The following ANO10 variants were observed in gnomAD, a reference collection of about 807,000 sequenced individuals.
The protein encoded by ANO10 is anoctamin 10, also known as anoctamin-10.
In ANO10, 77 loss-of-function variants were observed where a neutral mutation model predicts 74.7. That is an observed-to-expected ratio of 1.03 (90% CI 0.86 to 1.25). The LOEUF is 1.25. Ranked by LOEUF, ANO10 falls within the 50% of genes most tolerant of loss-of-function variation. ANO10 has a pLI of 0.00. For missense variants in ANO10, 721 were observed against 778.1 expected (o/e 0.93, Z 0.87); for synonymous variants, 279 against 284.9 (o/e 0.98, Z 0.21).
At chr3:43,379,156 G>A (rs1227503535) in intron 12 of ANO10, among the ~76,000 whole-genome samples, 3 of 152,162 alleles carry the variant, frequency 2.0e-5, no homozygotes, top group African/African-American at 7.2e-5. Flanking sequence ...GTGACACAAT[G>A]CTGTCCCAGT....
chr3:43,637,114 G>A (rs1202636327), intron 1 of ANO10, among the ~76,000 whole-genome samples: 1 of 152,208 alleles, frequency 6.6e-6, no homozygotes, highest in Non-Finnish European at 1.5e-5. Context: ...AAGCTGAAGT[G>A]AGCTGTGTTT....
chr3:43,441,094 A>G (rs1463846337), intron 11 of ANO10, among the ~76,000 whole-genome samples: 2 of 152,062 alleles, frequency 1.3e-5, no homozygotes, highest in Non-Finnish European at 1.5e-5. Flanking sequence ...TATAAAAAAA[A>G]GAAAGATCTC....
At chr3:43,423,111 T>A (rs530657695) in intron 12 of ANO10, among the ~76,000 whole-genome samples, 1 of 145,098 alleles carries the variant, frequency 6.9e-6, no homozygotes, top group Non-Finnish European at 1.6e-5. Context: ...CAGTCAGATT[T>A]TTTTTGGAAA....
intron 12 of ANO10, among the ~76,000 whole-genome samples, chr3:43,370,714 C>T (rs1234105960): frequency 3.3e-5 from 5 of 152,222 alleles, no homozygotes; most frequent in Admixed American, 2.6e-4. Flanking sequence ...TTTCCCCTAA[C>T]TTGTGACTCA....
chr3:43,648,050 T>C (rs1475764425), intron 1 of ANO10, among the ~76,000 whole-genome samples: 2 of 152,220 alleles, frequency 1.3e-5, no homozygotes, highest in East Asian at 1.9e-4. Flanking sequence ...AGGTTACTTG[T>C]TACAGCCAGG....
intron 8 of ANO10, among the ~76,000 whole-genome samples, chr3:43,562,123 T>A (rs1309929693): frequency 7.2e-5 from 11 of 151,884 alleles, no homozygotes; most frequent in Admixed American, 7.2e-4. Flanking sequence ...GTAATCCCAG[T>A]ACTTTGAGAG....
At chr3:43,682,436 T>C (rs2084214193) in intron 1 of ANO10, among the ~76,000 whole-genome samples, 1 of 152,128 alleles carries the variant, frequency 6.6e-6, no homozygotes, top group African/African-American at 2.4e-5. Flanking sequence ...AGGCAACAAT[T>C]AATAGCTTAC....
chr3:43,471,266 A>G (rs926931055), intron 11 of ANO10, among the ~76,000 whole-genome samples: 6 of 152,212 alleles, frequency 3.9e-5, no homozygotes, highest in Admixed American at 6.5e-5. Context: ...AAACATTAGG[A>G]AAAAAATCAA....
intron 11 of ANO10, among the ~76,000 whole-genome samples, chr3:43,447,864 AG>A (rs1361157396): frequency 6.6e-6 from 1 of 152,244 alleles, no homozygotes; most frequent in Non-Finnish European, 1.5e-5. Flanking sequence ...TTATCAACCA[AG>A]GCCCATAGTT....
At chr3:43,505,752 T>C (rs572571491) in intron 11 of ANO10, among the ~76,000 whole-genome samples, 2 of 152,320 alleles carry the variant, frequency 1.3e-5, no homozygotes, top group South Asian at 4.1e-4. Flanking sequence ...TTCTGCAGTT[T>C]TCACATCATT....
chr3:43,495,081 A>G (rs955617784), intron 11 of ANO10, among the ~76,000 whole-genome samples: 1 of 152,174 alleles, frequency 6.6e-6, no homozygotes, highest in Non-Finnish European at 1.5e-5. Context: ...CAAAAAGGTC[A>G]GTGAAATAGA....
At chr3:43,675,362 C>G (rs757856301) in intron 1 of ANO10, among the ~76,000 whole-genome samples, 1 of 152,046 alleles carries the variant, frequency 6.6e-6, no homozygotes, top group African/African-American at 2.4e-5. Context: ...AAGCATAATC[C>G]ATTTTTAGAA....
chr3:43,569,707 A>G (rs1471043280), intron 7 of ANO10, among the ~76,000 whole-genome samples: 6 of 126,464 alleles, frequency 4.7e-5, no homozygotes, highest in Non-Finnish European at 8.2e-5. Flanking sequence ...AGAGCTATCT[A>G]TGACAAACCC....
intron 1 of ANO10, chr3:43,636,360 C>G (rs1471192026): frequency 6.6e-6 from 1 of 152,216 alleles, no homozygotes; most frequent in Non-Finnish European, 1.5e-5. Flanking sequence ...ACTCCTGCCA[C>G]CAGAACAGCC....
chr3:43,628,435 T>A (rs1343815675), intron 1 of ANO10, among the ~76,000 whole-genome samples: 3 of 152,174 alleles, frequency 2.0e-5, no homozygotes, highest in Non-Finnish European at 4.4e-5. Context: ...GTATGTCGCC[T>A]CAGGACCCTG....
intron 12 of ANO10, among the ~76,000 whole-genome samples, chr3:43,372,182 T>A (rs1204637939): frequency 2.0e-5 from 3 of 151,838 alleles, no homozygotes; most frequent in Admixed American, 6.5e-5. Flanking sequence ...CATCCCCATC[T>A]CAGGAAGCAG....
chr3:43,483,057 G>T (rs1227974260), intron 11 of ANO10, among the ~76,000 whole-genome samples: 1 of 152,226 alleles, frequency 6.6e-6, no homozygotes, highest in Non-Finnish European at 1.5e-5. Context: ...TCATGTTTAA[G>T]AATTAATGAT....
At chr3:43,460,525 T>TCC (rs1466710846) in intron 11 of ANO10, among the ~76,000 whole-genome samples, 1 of 152,134 alleles carries the variant, frequency 6.6e-6, no homozygotes, top group Non-Finnish European at 1.5e-5. Flanking sequence ...TTCTGCACCC[T>TCC]CCCCCTCTCC....
chr3:43,428,341 C>G (rs2092928877), intron 12 of ANO10, among the ~76,000 whole-genome samples: 2 of 152,076 alleles, frequency 1.3e-5, no homozygotes. Flanking sequence ...TGAACCACCA[C>G]ACCCAGCCAA....
Sources: gnomAD v4.1 joint callset for allele counts (sites outside exome capture counted in the v4.1 genomes callset) on GRCh38, gnomAD v4.1.1 for gene constraint, MANE v1.5 for transcripts, NCBI Gene and HGNC (gene_info 2026-07-23, HGNC 2026-07-21) for gene names.